The following DIP2C variants were observed in gnomAD, a reference collection of about 807,000 sequenced individuals.
DIP2C encodes disco-interacting protein 2 homolog C.
Under a neutral mutation model 192.4 loss-of-function variants are expected in DIP2C, and 33 were observed. That is an observed-to-expected ratio of 0.17 (90% CI 0.13 to 0.23). The LOEUF (loss-of-function observed/expected upper bound fraction) is 0.23. Ranked by LOEUF, DIP2C falls within the 10% of genes least tolerant of loss-of-function variation. The pLI, the probability that DIP2C is intolerant of heterozygous loss-of-function variation, is 1.00. For synonymous variants in DIP2C, 979 were observed against 864.1 expected (o/e 1.13, Z -2.33); for missense variants, 1,537 against 2,110.1 (o/e 0.73, Z 5.32).
chr10:325,214 C>A (rs1282013233), intron 31 of DIP2C, among the ~76,000 whole-genome samples: 1 of 151,594 alleles, frequency 6.6e-6, no homozygotes, highest in Non-Finnish European at 1.5e-5. Context: ...GCAGTGAGCC[C>A]AGATCACGGC....
At chr10:410,316 A>G (rs1965103049) in intron 8 of DIP2C, among the ~76,000 whole-genome samples, 1 of 152,236 alleles carries the variant, frequency 6.6e-6, no homozygotes, top group African/African-American at 2.4e-5. Flanking sequence ...AATAAAATAC[A>G]AAGTTACGGT....
intron 1 of DIP2C, chr10:662,934 T>C (rs1328944282): frequency 1.4e-6 from 1 of 717,488 alleles, no homozygotes; most frequent in East Asian, 2.7e-5. Flanking sequence ...TGTACGCTAA[T>C]GGTTCTCAGC....
intron 1 of DIP2C, chr10:650,431 T>A (rs370371589): frequency 2.8e-6 from 2 of 711,786 alleles, no homozygotes; most frequent in Admixed American, 4.0e-5. Context: ...GCCGACAACA[T>A]CTTCATCTAT....
intron 1 of DIP2C, among the ~76,000 whole-genome samples, chr10:556,981 A>C (rs1024386030): frequency 1.3e-5 from 2 of 152,166 alleles, no homozygotes; most frequent in Non-Finnish European, 2.9e-5. Flanking sequence ...GCTTTAAGAC[A>C]ACAGCCAGGG....
intron 29 of DIP2C, among the ~76,000 whole-genome samples, chr10:330,650 GTT>G (rs566210340): frequency 1.4e-5 from 2 of 141,390 alleles, no homozygotes; most frequent in East Asian, 2.1e-4. Flanking sequence ...CACCATGCTT[GTT>G]TTTTTTTTTT....
At position 281,208 on chromosome 10, in the gene DIP2C, A is replaced by T. The variant is rs1285766789; in HGVS notation, c.4410T>A (p.Val1470=). The part of the protein sequence containing the change: ...ETSVIRAHKS[V]TECAVFTWTN... ...GCAAGCTCACGACTTACCATTCCGTAACGCTTTTATGGGCTCTGATGACCG... is the reference window on the plus strand; with the variant it reads ...GCAAGCTCACGACTTACCATTCCGTTACGCTTTTATGGGCTCTGATGACCG... Residue 1470 remains valine, a synonymous_variant, in exon 36 of 37, where the codon GTT becomes GTA. Coordinates refer to ENST00000280886, the MANE Select transcript of DIP2C (RefSeq NM_014974.3). 1 of 1,614,104 alleles carries T rather than the reference A, an allele frequency of 6.2e-7. No individual in the cohort carries two copies. The highest frequency in any genetic ancestry group is 1.3e-5 in the African/African-American group (1 of 75,046).
Position 579,925 on chromosome 10 carries a change from T to C in DIP2C, c.86-93395A>G, listed in dbSNP as rs529421963. 4.9e-4 allele frequency among the ~76,000 whole-genome samples: 75 copies of C among 152,200 alleles called. 1 individual carries two copies. The highest frequency in any genetic ancestry group is 9.1e-4 in the Non-Finnish European group (62 of 67,982). On this transcript the variant is annotated intron_variant, in intron 1 of 36. Transcript: ENST00000280886. ...AATCTATATGCATACAATGTACATA[T>C]AGGTACACTATAACATGTATGTACA...
chr10:363,142 AAGG>A lies in DIP2C; in HGVS notation c.2592+52_2592+54del, dbSNP rs1959736579. 7 of 1,500,644 alleles carry A rather than the reference AAGG, an allele frequency of 4.7e-6. No individual in the cohort carries two copies. 93.0% of individuals were successfully genotyped at this position (1,500,644 alleles called of 1,614,324 possible). A position where few individuals can be genotyped will look rare whatever the true frequency, so the allele number is the denominator to read the frequency against. ...GGTCACACCATGATCTGAATGAAGT[AAGG>A]AGGCCAGAAACAAGACACAGGGGAC... On this transcript the variant is annotated intron_variant, in intron 21 of 36. Coordinates refer to ENST00000280886, the MANE Select transcript of DIP2C (RefSeq NM_014974.3). The surrounding 1 kb of genome is among the most constrained non-coding windows in gnomAD (Gnocchi z 5.4).
At chr10:336,341 ACAC>A (rs60477856) in intron 29 of DIP2C, among the ~76,000 whole-genome samples, 145,271 of 152,200 alleles carry the variant, frequency 0.95, 69,678 homozygotes, top group East Asian at 1. Context: ...ATGCTGAAGC[ACAC>A]CACGTTACTT....
intron 1 of DIP2C, among the ~76,000 whole-genome samples, chr10:539,640 G>A (rs977135367): frequency 4.6e-5 from 7 of 152,198 alleles, no homozygotes; most frequent in Non-Finnish European, 1.0e-4. Context: ...TGTGTGTCAC[G>A]TGTATTATTT....
intron 1 of DIP2C, among the ~76,000 whole-genome samples, chr10:551,453 G>A (rs546325878): frequency 2.6e-4 from 40 of 152,278 alleles, no homozygotes; most frequent in African/African-American, 7.7e-4. Context: ...CCTGGCCCCC[G>A]AGGCCAATAA....
At chr10:531,790 C>T (rs190241907) in intron 1 of DIP2C, among the ~76,000 whole-genome samples, 1 of 152,298 alleles carries the variant, frequency 6.6e-6, no homozygotes, top group East Asian at 1.9e-4. Flanking sequence ...ACAGCTGCCT[C>T]GACGGGTGCC....
chr10:491,498 C>T (rs1253569315), intron 1 of DIP2C, among the ~76,000 whole-genome samples: 1 of 152,198 alleles, frequency 6.6e-6, no homozygotes, highest in Admixed American at 6.5e-5. Flanking sequence ...GCAGGCGCTG[C>T]AGACCGGTGA....
chr10:559,267 G>A (rs935652265), intron 1 of DIP2C, among the ~76,000 whole-genome samples: 6 of 151,188 alleles, frequency 4.0e-5, no homozygotes, highest in Middle Eastern at 3.4e-3. Context: ...ACCCCACGAC[G>A]AGGGTCTAAC....
At chr10:461,242 A>G (rs761149116) in intron 3 of DIP2C, among the ~76,000 whole-genome samples, 1 of 152,248 alleles carries the variant, frequency 6.6e-6, no homozygotes, top group Non-Finnish European at 1.5e-5. Context: ...CCCCATTAAA[A>G]GACACAGACT....
intron 1 of DIP2C, among the ~76,000 whole-genome samples, chr10:613,711 A>G (rs552123726): frequency 5.3e-5 from 8 of 152,316 alleles, no homozygotes; most frequent in East Asian, 1.9e-4. Context: ...CCAGGAATGG[A>G]GTTCAACAGA....
chr10:492,589 A>G (rs529235569), intron 1 of DIP2C, among the ~76,000 whole-genome samples: 1 of 152,356 alleles, frequency 6.6e-6, no homozygotes, highest in South Asian at 2.1e-4. Context: ...TGGGCGACAG[A>G]GCAAGACCCT....
chr10:606,096 C>T (rs1406157987), intron 1 of DIP2C, among the ~76,000 whole-genome samples: 1 of 152,232 alleles, frequency 6.6e-6, no homozygotes, highest in Non-Finnish European at 1.5e-5. Context: ...GACCGGGAAG[C>T]ACCAAAGATA....
chr10:567,411 C>T (rs1473117724), intron 1 of DIP2C, among the ~76,000 whole-genome samples: 2 of 152,068 alleles, frequency 1.3e-5, no homozygotes, highest in African/African-American at 2.4e-5. Flanking sequence ...AGGCTGGTCT[C>T]GAACTCCTGA....
Sources: gnomAD v4.1 joint callset for allele counts (sites outside exome capture counted in the v4.1 genomes callset) on GRCh38, gnomAD v4.1.1 for gene constraint, Gnocchi (gnomAD v3.1) non-coding constraint, MANE v1.5 for transcripts, NCBI Gene and HGNC (gene_info 2026-07-23, HGNC 2026-07-21) for gene names.